The following RSPO3 variants were observed in gnomAD, a reference collection of about 807,000 sequenced individuals.
RSPO3 encodes R-spondin-3.
A neutral mutation model predicts 36.5 loss-of-function variants in RSPO3; 17 were observed. That is an observed-to-expected ratio of 0.47 (90% CI 0.32 to 0.70). RSPO3 has a LOEUF of 0.70. Among genes scored for constraint, RSPO3 ranks in the 30% least tolerant of loss-of-function variants. The probability of loss-of-function intolerance (pLI) is 0.04; values close to 1 mark genes in which losing one functional copy is unlikely to be tolerated. For synonymous variants in RSPO3, 108 were observed against 107.0 expected, an observed-to-expected ratio of 1.01 and a Z score of -0.06; for missense variants, 294 against 322.5, an observed-to-expected ratio of 0.91 and a Z score of 0.68.
chr6:127,184,592 A>G (rs1275502894), intron 4 of RSPO3, among the ~76,000 whole-genome samples: 1 of 152,040 alleles, frequency 6.6e-6, no homozygotes, highest in Non-Finnish European at 1.5e-5. Flanking sequence ...CATTAATCAG[A>G]TGCTTATTAG....
intron 1 of RSPO3, among the ~76,000 whole-genome samples, chr6:127,143,131 T>C (rs1406885932): frequency 6.6e-6 from 1 of 152,138 alleles, no homozygotes; most frequent in Non-Finnish European, 1.5e-5. Context: ...ATAGCTTTTT[T>C]ATATGTATTG....
chr6:127,197,366 C>A lies in RSPO3; in HGVS notation c.*1359C>A. The A allele has an allele frequency of 6.5e-7, 1 of 1,544,978 alleles. No individual in the cohort carries two copies. Among genetic ancestry groups the A allele is most frequent in the Non-Finnish European group, 8.7e-7 (1 of 1,144,306 alleles). On this transcript the variant is annotated 3_prime_UTR_variant, in exon 5 of 5. Coordinates refer to ENST00000356698, the MANE Select transcript of RSPO3 (RefSeq NM_032784.5). Reference sequence around the variant, plus strand: ...CATCATTTCTTGTATGTCAGATCCCCCTGCATCTTCAACATTTAGTCTTTT... The same window carrying A: ...CATCATTTCTTGTATGTCAGATCCCACTGCATCTTCAACATTTAGTCTTTT...
rs184993364 is a variant in RSPO3 at position 127,196,078 on chromosome 6, G to A, written c.*71G>A. Reference sequence around the variant, plus strand: ...CCAGATGCCCAGGACAGGTGCTCTAGCCATTAGGACCACAAATGGACATGT... The same window carrying A: ...CCAGATGCCCAGGACAGGTGCTCTAACCATTAGGACCACAAATGGACATGT... On this transcript the variant is annotated 3_prime_UTR_variant, in exon 5 of 5. Coordinates refer to ENST00000356698, the MANE Select transcript of RSPO3 (RefSeq NM_032784.5). 4.5e-6 allele frequency: 6 copies of A among 1,320,318 alleles called. No individual in the cohort carries two copies. Among genetic ancestry groups the A allele is most frequent in the African/African-American group, 1.5e-5 (1 of 67,974 alleles). The allele number at this position is 1,320,318 out of a possible 1,614,324, so 81.8% of individuals were successfully genotyped here.
intron 4 of RSPO3, among the ~76,000 whole-genome samples, chr6:127,168,498 A>G (rs936752763): frequency 6.6e-6 from 1 of 152,100 alleles, no homozygotes; most frequent in African/African-American, 2.4e-5. Flanking sequence ...CATTCTGGAT[A>G]TTAGCCCTTT....
chr6:127,134,786 A>G (rs1774120850), intron 1 of RSPO3, among the ~76,000 whole-genome samples: 1 of 152,216 alleles, frequency 6.6e-6, no homozygotes, highest in Admixed American at 6.5e-5. Context: ...TTCATGAGAT[A>G]TTATTCCATT....
In RSPO3 at chr6:127,195,826, A is replaced by G; in HGVS notation, c.638A>G (p.Lys213Arg). ...RKKCQKGERG[K>R]KGRERKRKKP... Reference sequence around the variant, plus strand: ...AAAGAGTATCCTTTCATTTCAGGAAAAAAAGGAAGGGAGAGGAAAAGAAAA... The same window carrying G: ...AAAGAGTATCCTTTCATTTCAGGAAGAAAAGGAAGGGAGAGGAAAAGAAAA... The change falls in exon 5 of 5, where the codon AAA (lysine) becomes AGA (arginine). Residue 213 changes from lysine (K) to arginine (R), a missense_variant. Around this residue, in one of 3 missense-constraint regions of RSPO3, gnomAD observed 190 missense variants for 185.2 expected, o/e 1.03. Coordinates refer to ENST00000356698, the MANE Select transcript of RSPO3 (RefSeq NM_032784.5). 3 of 1,512,868 alleles carry G rather than the reference A, an allele frequency of 2.0e-6. No individual in the cohort carries two copies. Among genetic ancestry groups the G allele is most frequent in the Admixed American group, 2.3e-5 (1 of 44,386 alleles). The allele number at this position is 1,512,868 out of a possible 1,614,324, so 93.7% of individuals were successfully genotyped here.
intron 1 of RSPO3, among the ~76,000 whole-genome samples, chr6:127,127,047 G>T (rs1329505681): frequency 2.0e-5 from 3 of 152,134 alleles, no homozygotes; most frequent in African/African-American, 7.2e-5. Flanking sequence ...ATTGTCCTTA[G>T]AAAACTAGCT....
intron 1 of RSPO3, among the ~76,000 whole-genome samples, chr6:127,128,404 T>C (rs563361662): frequency 1.6e-4 from 24 of 152,128 alleles, no homozygotes; most frequent in Admixed American, 5.9e-4. Flanking sequence ...TTCTCCACCC[T>C]TGAACAAATA....
At chr6:127,176,854 A>C (rs894048194) in intron 4 of RSPO3, among the ~76,000 whole-genome samples, 61 of 151,842 alleles carry the variant, frequency 4.0e-4, no homozygotes, top group African/African-American at 1.5e-3. Context: ...TTGAAGCTGA[A>C]TCTTTATACC....
intron 1 of RSPO3, among the ~76,000 whole-genome samples, chr6:127,130,335 A>C (rs1011286535): frequency 2.0e-4 from 30 of 152,126 alleles, no homozygotes; most frequent in African/African-American, 7.2e-4. Context: ...AAATTCCTTT[A>C]TGGTTCAGAA....
chr6:127,121,266 G>C (rs1176091119), intron 1 of RSPO3, among the ~76,000 whole-genome samples: 2 of 152,224 alleles, frequency 1.3e-5, no homozygotes, highest in African/African-American at 2.4e-5. Flanking sequence ...CCCCAGCGAG[G>C]ACCACGGCGC....
intron 1 of RSPO3, among the ~76,000 whole-genome samples, chr6:127,133,162 G>T (rs1333274354): frequency 2.0e-5 from 3 of 151,968 alleles, no homozygotes; most frequent in African/African-American, 7.2e-5. Context: ...ATATGCAATG[G>T]AACTTTACTC....
chr6:127,150,545 A>C lies in RSPO3; in HGVS notation c.409A>C (p.Asn137His), dbSNP rs1179355260. The change falls in exon 3 of 5, where the codon AAC becomes CAC. Residue 137 changes from asparagine to histidine, a missense_variant. Around this residue, in one of 3 missense-constraint regions of RSPO3, gnomAD observed 190 missense variants for 185.2 expected, o/e 1.03. Transcript: ENST00000356698. The part of the protein sequence containing the change: ...DNCPEGLEAN[N>H]HTMECVSIVH... ...TTGCCCAGAAGGGTTGGAAGCCAAC[A>C]ACCATACTATGGAGTGTGTCAGTAT... 6.2e-7 allele frequency: 1 copy of C among 1,612,058 alleles called. No individual in the cohort carries two copies. The highest frequency in any genetic ancestry group is 1.1e-5 in the South Asian group (1 of 90,910).
At chr6:127,156,799 G>A (rs1250999598) in intron 4 of RSPO3, among the ~76,000 whole-genome samples, 8 of 152,154 alleles carry the variant, frequency 5.3e-5, no homozygotes, top group African/African-American at 1.9e-4. Context: ...GATTATAGAT[G>A]TGTGAACTAG....
chr6:127,138,250 A>G (rs145091733), intron 1 of RSPO3, among the ~76,000 whole-genome samples: 1 of 152,218 alleles, frequency 6.6e-6, no homozygotes, highest in East Asian at 1.9e-4. Flanking sequence ...CCATATTGAT[A>G]TCATTTCTAT....
At chr6:127,121,805 G>T (rs1461136383) in intron 1 of RSPO3, among the ~76,000 whole-genome samples, 2 of 152,218 alleles carry the variant, frequency 1.3e-5, no homozygotes, top group East Asian at 3.8e-4. Flanking sequence ...ACTAGGAAAA[G>T]TTTTTAAAAT....
At chr6:127,188,609 ATACCTC>A (rs1775345675) in intron 4 of RSPO3, among the ~76,000 whole-genome samples, 1 of 148,732 alleles carries the variant, frequency 6.7e-6, no homozygotes, top group East Asian at 2.0e-4. Flanking sequence ...TATATATATC[ATACCTC>A]TATATGTTGG....
chr6:127,150,201 A>AT lies in RSPO3; in HGVS notation c.290-219dup, dbSNP rs140575658. On this transcript the variant is annotated intron_variant, in intron 2 of 4. Coordinates refer to ENST00000356698, the MANE Select transcript of RSPO3 (RefSeq NM_032784.5). ...TATATATATATACACACACACAAAG[A>AT]TTTTTTCATAGGGCAATCAGTACAA... Among the ~76,000 whole-genome samples, 781 of 151,770 alleles carry AT rather than the reference A, an allele frequency of 5.1e-3. 6 individuals are homozygous for AT. Among genetic ancestry groups the AT allele is most frequent in the African/African-American group, 0.018 (726 of 41,382 alleles).
In RSPO3 at chr6:127,171,371, T is replaced by C. The variant is rs187407910; in HGVS notation, c.634+15933T>C. ...ATTATGCTGTAGCTGTAGGATGTTG[T>C]AGGGTAGCAAGAAATAAGTAACTTT... On this transcript the variant is annotated intron_variant, in intron 4 of 4. Transcript: ENST00000356698. Among the ~76,000 whole-genome samples the C allele has an allele frequency of 2.6e-5, 4 of 151,892 alleles. No individual in the cohort carries two copies. In the East Asian group the frequency reaches 7.8e-4, roughly 30 times the overall value.
Sources: allele counts gnomAD v4.1 joint callset (sites outside exome capture counted in the v4.1 genomes callset), GRCh38; gene constraint gnomAD v4.1.1; regional missense constraint gnomAD v4.1.1; transcripts MANE v1.5; gene names NCBI Gene and HGNC (gene_info 2026-07-23, HGNC 2026-07-21).